Variants in UBAP2 observed in about 807,000 individuals in gnomAD.
UBAP2 encodes ubiquitin-associated protein 2.
A neutral mutation model predicts 139.6 loss-of-function variants in UBAP2; 75 were observed. That is an observed-to-expected ratio of 0.54 (90% CI 0.45 to 0.65). UBAP2 has a LOEUF of 0.65. UBAP2 is among the 30% of genes least tolerant of loss of function. UBAP2 has a pLI of 0.00. For synonymous variants in UBAP2, 526 were observed against 526.2 expected, an observed-to-expected ratio of 1.00 and a Z score of 0.01; for missense variants, 1,368 against 1,369.6, an observed-to-expected ratio of 1.00 and a Z score of 0.02.
intron 8 of UBAP2, among the ~76,000 whole-genome samples, chr9:33,969,561 A>AAAAG (rs749489607): frequency 1.5e-5 from 2 of 131,684 alleles, no homozygotes; most frequent in East Asian, 2.0e-4. Flanking sequence ...TAAAAAAAAA[A>AAAAG]AAAGAAAGAA....
At chr9:34,011,594 GCACCAAA>G in intron 2 of UBAP2, 2 of 976,410 alleles carry the variant, frequency 2.0e-6, no homozygotes, top group Non-Finnish European at 2.4e-6. Flanking sequence ...GATAAACAAA[GCACCAAA>G]CATAAGAGTA....
intron 2 of UBAP2, among the ~76,000 whole-genome samples, chr9:34,010,126 A>T (rs1202371321): frequency 8.1e-6 from 1 of 122,954 alleles, no homozygotes; most frequent in Non-Finnish European, 2.0e-5. Flanking sequence ...GTCTATTAAA[A>T]AAAAAAAAAA....
intron 4 of UBAP2, 49 bp from the exon 5 acceptor site, chr9:33,989,175 A>T (rs772179420): frequency 4.6e-5 from 71 of 1,533,738 alleles, no homozygotes; most frequent in Non-Finnish European, 5.7e-5. Flanking sequence ...AGTGTGTACA[A>T]TTATCAAAGG....
At chr9:34,023,463 A>C (rs1405322203) in intron 1 of UBAP2, among the ~76,000 whole-genome samples, 1 of 152,070 alleles carries the variant, frequency 6.6e-6, no homozygotes, top group Non-Finnish European at 1.5e-5. Flanking sequence ...GAAAACCATA[A>C]CTCTTTGTTA....
rs1045883377 is a variant in UBAP2 at position 33,944,170 on chromosome 9, G to C, written c.1545+195C>G. On this transcript the variant is annotated intron_variant, in intron 14 of 28. Coordinates refer to ENST00000379238, the MANE Select transcript of UBAP2 (RefSeq NM_001370062.2). ...AAATCTGTACTTGAAATAAGGATCT[G>C]TGGCTCTCAGCACAAACCCATTCCC... Among the ~76,000 whole-genome samples, 3 of 152,304 alleles carry C rather than the reference G, an allele frequency of 2.0e-5. No individual in the cohort carries two copies. In the South Asian group the frequency reaches 6.2e-4, roughly 32 times the overall value.
intron 2 of UBAP2, among the ~76,000 whole-genome samples, chr9:34,014,344 A>AAAAAAG (rs1824054950): frequency 6.8e-6 from 1 of 147,958 alleles, no homozygotes; most frequent in African/African-American, 2.6e-5. Context: ...AAAAAAAAAA[A>AAAAAAG]AAAAGGTCAG....
chr9:34,027,642 G>A (rs796911908), intron 1 of UBAP2, among the ~76,000 whole-genome samples: 4 of 152,154 alleles, frequency 2.6e-5, no homozygotes, highest in African/African-American at 9.6e-5. Context: ...CGAGTCATGA[G>A]GTCAAGAGAT....
At chr9:34,002,373 G>A (rs986352968) in intron 2 of UBAP2, among the ~76,000 whole-genome samples, 14 of 123,716 alleles carry the variant, frequency 1.1e-4, no homozygotes, top group Non-Finnish European at 1.9e-4. Context: ...CCACTGCATA[G>A]GTGCTTTTTT....
intron 6 of UBAP2, among the ~76,000 whole-genome samples, chr9:33,981,205 GATATATATATATATATTCTGGAT>G (rs1554686782): frequency 2.7e-4 from 1 of 3,684 alleles, no homozygotes; most frequent in Non-Finnish European, 7.0e-4. Flanking sequence ...ATATATTCTG[GATATATATATATATATTCTGGAT>G]ATATATATAT....
intron 4 of UBAP2, among the ~76,000 whole-genome samples, chr9:33,993,615 G>A (rs946887633): frequency 2.6e-5 from 4 of 152,186 alleles, no homozygotes; most frequent in African/African-American, 4.8e-5. Context: ...GTAGTAAACC[G>A]TGATGGCACC....
intron 7 of UBAP2, among the ~76,000 whole-genome samples, chr9:33,972,654 A>C (rs1352770803): frequency 1.3e-5 from 2 of 152,198 alleles, no homozygotes; most frequent in African/African-American, 2.4e-5. Context: ...AAAAGTAAAA[A>C]AACACCCAGA....
intron 1 of UBAP2, among the ~76,000 whole-genome samples, chr9:34,027,459 G>GT (rs1825499241): frequency 6.6e-6 from 1 of 152,102 alleles, no homozygotes; most frequent in Admixed American, 6.6e-5. Context: ...GCTCATGCCT[G>GT]TAACTCCAAC....
intron 1 of UBAP2, among the ~76,000 whole-genome samples, chr9:34,044,565 A>C (rs749448647): frequency 3.3e-5 from 5 of 151,860 alleles, no homozygotes; most frequent in Non-Finnish European, 7.4e-5. Context: ...GTCTCAAGAA[A>C]ATAAAAATAA....
intron 1 of UBAP2, among the ~76,000 whole-genome samples, chr9:34,022,192 C>T (rs983889527): frequency 5.3e-5 from 8 of 151,878 alleles, no homozygotes; most frequent in Admixed American, 6.6e-5. Flanking sequence ...TTGCAGTGAG[C>T]TGAGATTGCA....
At chr9:34,030,000 A>G (rs1446794213) in intron 1 of UBAP2, among the ~76,000 whole-genome samples, 1 of 149,302 alleles carries the variant, frequency 6.7e-6, no homozygotes, top group Non-Finnish European at 1.5e-5. Context: ...AAAAAAAAAA[A>G]GAAAGAAATA....
At chr9:33,990,998 A>G (rs907482522) in intron 4 of UBAP2, among the ~76,000 whole-genome samples, 16 of 152,248 alleles carry the variant, frequency 1.1e-4, no homozygotes, top group African/African-American at 3.4e-4. Flanking sequence ...CAAATAAAAC[A>G]ACGTGGCCGA....
chr9:34,040,440 A>C (rs1201856272), intron 1 of UBAP2, among the ~76,000 whole-genome samples: 1 of 152,130 alleles, frequency 6.6e-6, no homozygotes, highest in African/African-American at 2.4e-5. Context: ...AACAGATATG[A>C]ATGGTCTCCA....
intron 2 of UBAP2, chr9:34,011,542 G>GA (rs909823073): frequency 2.6e-4 from 213 of 825,344 alleles, no homozygotes; most frequent in Non-Finnish European, 3.1e-4. Flanking sequence ...CCTGAGTCAA[G>GA]AAAAAAATAA....
intron 1 of UBAP2, among the ~76,000 whole-genome samples, chr9:34,041,610 T>C (rs1357636557): frequency 2.0e-5 from 3 of 151,660 alleles, no homozygotes; most frequent in Non-Finnish European, 4.4e-5. Flanking sequence ...GGCAGGAGAA[T>C]TGCTTGAACC....
Sources: gnomAD v4.1 joint callset for allele counts (sites outside exome capture counted in the v4.1 genomes callset) on GRCh38, gnomAD v4.1.1 for gene constraint, MANE v1.5 for transcripts, NCBI Gene and HGNC (gene_info 2026-07-23, HGNC 2026-07-21) for gene names.